Variants in ADGRA3 observed in about 807,000 individuals in gnomAD.
ADGRA3 encodes G-protein coupled receptor 125.
A neutral mutation model predicts 119.8 loss-of-function variants in ADGRA3; 56 were observed. The observed-to-expected ratio is 0.47, with a 90% CI of 0.38 to 0.58. ADGRA3 has a LOEUF of 0.58. ADGRA3 is among the 20% of genes least tolerant of loss of function. ADGRA3 has a pLI of 0.00. For missense variants in ADGRA3, 1,516 were observed against 1,649.0 expected, an observed-to-expected ratio of 0.92 and a Z score of 1.40; for synonymous variants, 607 against 623.8, an observed-to-expected ratio of 0.97 and a Z score of 0.40.
At chr4:22,435,543 T>C in intron 9 of ADGRA3, 77 bp from the exon 10 acceptor site, 1 of 1,312,798 alleles carries the variant, frequency 7.6e-7, no homozygotes, top group African/African-American at 1.5e-5. Context: ...ATTTTAACTT[T>C]GCATTTCAAA....
At chr4:22,399,259 GCT>G (rs1714507023) in intron 16 of ADGRA3, among the ~76,000 whole-genome samples, 2 of 152,142 alleles carry the variant, frequency 1.3e-5, no homozygotes, top group South Asian at 4.1e-4. Context: ...TTACTCAAAT[GCT>G]CTGTTAGTTG....
chr4:22,404,934 A>G (rs1377061320), intron 14 of ADGRA3, among the ~76,000 whole-genome samples: 2 of 152,212 alleles, frequency 1.3e-5, no homozygotes, highest in Admixed American at 6.5e-5. Flanking sequence ...TAAACTTTCA[A>G]TATCTAGTTT....
At chr4:22,504,734 T>C (rs1045473287) in intron 1 of ADGRA3, among the ~76,000 whole-genome samples, 3 of 151,924 alleles carry the variant, frequency 2.0e-5, no homozygotes, top group African/African-American at 7.3e-5. Flanking sequence ...TACTCTTTCT[T>C]CTACCTTCTT....
chr4:22,413,103 AAAAC>A, intron 14 of ADGRA3, 75 bp downstream of exon 14: 3 of 1,093,978 alleles, frequency 2.7e-6, no homozygotes, highest in South Asian at 3.0e-5. Flanking sequence ...AAAAAACAAA[AAAAC>A]ACTTCATTTG....
chr4:22,484,534 G>A (rs1577376225), intron 1 of ADGRA3, among the ~76,000 whole-genome samples: 1 of 151,866 alleles, frequency 6.6e-6, no homozygotes, highest in African/African-American at 2.4e-5. Flanking sequence ...GAGCCCTGAG[G>A]GTGGAGGTTG....
At chr4:22,420,347 T>G (rs1337376157) in intron 12 of ADGRA3, 2 of 153,356 alleles carry the variant, frequency 1.3e-5, no homozygotes, top group Non-Finnish European at 2.9e-5. Flanking sequence ...AAAAATGCTT[T>G]CATTTTGCTT....
intron 9 of ADGRA3, 88 bp downstream of exon 9, chr4:22,436,352 T>C: frequency 1.0e-6 from 1 of 956,510 alleles, no homozygotes; most frequent in South Asian, 1.6e-5. Flanking sequence ...TTTTGCCTAG[T>C]ATTAAAAAAA....
In ADGRA3 at chr4:22,445,021, G is replaced by A. The variant is rs1716778297; in HGVS notation, c.658C>T (p.Leu220=). 6.2e-7 allele frequency: 1 copy of A among 1,613,724 alleles called. No individual in the cohort carries two copies. Among genetic ancestry groups the A allele is most frequent in the South Asian group, 1.1e-5 (1 of 91,056 alleles). The change falls in exon 6 of 19, where the codon CTG becomes TTG. Residue 220 remains leucine (L), a synonymous_variant. Transcript: ENST00000334304. ...RDTRCVYPKS[L]QAQPVTGVKQ... is the part of the protein sequence containing the mutation. ...ACGCCTGTGACTGGTTGGGCCTGCA[G>A]TGACTTAGGATAAACACACCTGGTA...
In ADGRA3 at chr4:22,402,552, A is replaced by T. The variant is rs190626239; in HGVS notation, c.2357+123T>A. The T allele has an allele frequency of 1.0e-4, 96 of 920,824 alleles. 1 individual carries two copies. The African/African-American group carries it at 1.5e-3, about 14-fold the overall frequency. The allele number at this position is 920,824 out of a possible 1,614,324, so 57.0% of individuals were successfully genotyped here. On this transcript the variant is annotated intron_variant, in intron 15 of 18. Transcript: ENST00000334304. The stretch of plus-strand genomic sequence containing the variant: ...AAATGAAGGCATGTATATATTCTAA[A>T]GTCATCATCCTTACTTTGGAAATAC...
At chr4:22,467,030 C>T (rs979401949) in intron 2 of ADGRA3, among the ~76,000 whole-genome samples, 7 of 152,236 alleles carry the variant, frequency 4.6e-5, no homozygotes, top group East Asian at 1.9e-4. Flanking sequence ...GTGGAGAATG[C>T]GGTATCTCAT....
intron 1 of ADGRA3, among the ~76,000 whole-genome samples, chr4:22,487,552 G>T (rs1718473323): frequency 6.6e-6 from 1 of 152,130 alleles, no homozygotes; most frequent in African/African-American, 2.4e-5. Flanking sequence ...TCCAAGGTCT[G>T]GGGGTTGGTG....
intron 10 of ADGRA3, among the ~76,000 whole-genome samples, chr4:22,434,765 T>C (rs1219680208): frequency 1.3e-5 from 2 of 152,218 alleles, no homozygotes; most frequent in East Asian, 1.9e-4. Flanking sequence ...AAGCATATCA[T>C]GGTTTCAATG....
chr4:22,515,520 A>G lies in ADGRA3; in HGVS notation c.257+8T>C. 6.2e-7 allele frequency: 1 copy of G among 1,603,604 alleles called. No individual in the cohort carries two copies. Among genetic ancestry groups the G allele is most frequent in the Non-Finnish European group, 8.5e-7 (1 of 1,175,076 alleles). ...GGGAGAGGACCCAGCGTCGCGGGAGATACTCACAGGGTGACCGTGCGGTTG... is the reference window on the plus strand; with the variant it reads ...GGGAGAGGACCCAGCGTCGCGGGAGGTACTCACAGGGTGACCGTGCGGTTG... On this transcript the variant is annotated splice_region_variant and intron_variant, in intron 1 of 18. Coordinates refer to ENST00000334304, the MANE Select transcript of ADGRA3 (RefSeq NM_145290.4).
intron 12 of ADGRA3, among the ~76,000 whole-genome samples, chr4:22,419,443 T>C (rs1235426535): frequency 1.3e-5 from 2 of 152,164 alleles, no homozygotes; most frequent in Non-Finnish European, 2.9e-5. Context: ...CTATGAAGCA[T>C]GAATAATAGT....
At position 22,387,829 on chromosome 4, in the gene ADGRA3, T is replaced by C; in HGVS notation, c.3842A>G (p.Tyr1281Cys). Residue 1281 changes from tyrosine to cysteine, a missense_variant, in exon 19 of 19, where the codon TAT becomes TGT. Physicochemically the swap from Tyr to Cys is radical, Grantham distance 194 (BLOSUM62 -2). Transcript: ENST00000334304. ...VVELENQQKS[Y>C]GLNLAIQNGP... is the part of the protein sequence containing the mutation. The stretch of plus-strand genomic sequence containing the variant: ...ATTCTGAATGGCCAAGTTGAGGCCA[T>C]AAGATTTTTGCTGATTTTCAAGTTC... The C allele has an allele frequency of 6.2e-7, 1 of 1,614,160 alleles. No individual in the cohort carries two copies. Among genetic ancestry groups the C allele is most frequent in the Non-Finnish European group, 8.5e-7 (1 of 1,180,006 alleles).
At chr4:22,487,188 T>A (rs1718459802) in intron 1 of ADGRA3, among the ~76,000 whole-genome samples, 1 of 152,152 alleles carries the variant, frequency 6.6e-6, no homozygotes, top group African/African-American at 2.4e-5. Flanking sequence ...AACCTACAAC[T>A]TCACAGATAT....
rs758388407 is a variant in ADGRA3 at position 22,420,968 on chromosome 4, C to T, written c.1727G>A (p.Arg576Lys). 6 of 1,614,052 alleles carry T rather than the reference C, an allele frequency of 3.7e-6. No individual in the cohort carries two copies. The East Asian group carries it at 8.9e-5, about 24-fold the overall frequency. ...ATCCAGGTTTCCCTCTGGATCCCGC[C>T]TCCCATAATCCGAAAGTCCTGTACG... is the stretch of plus-strand genomic sequence containing the variant. ...SDRTGLSDYGRRDPEGNLDKQ... is the reference protein window; with the variant it reads ...SDRTGLSDYGKRDPEGNLDKQ... Residue 576 changes from arginine to lysine, a missense_variant, in exon 12 of 19, where the codon AGG becomes AAG. Physicochemically the swap from Arg to Lys is conservative, Grantham distance 26. Coordinates refer to ENST00000334304, the MANE Select transcript of ADGRA3 (RefSeq NM_145290.4).
chr4:22,483,986 AT>A (rs5856698), intron 1 of ADGRA3, among the ~76,000 whole-genome samples: 20 of 151,714 alleles, frequency 1.3e-4, no homozygotes, highest in East Asian at 5.9e-4. Context: ...GCATGATTAC[AT>A]TTTTTTTAAA....
chr4:22,450,426 T>C (rs1279991956), intron 4 of ADGRA3, among the ~76,000 whole-genome samples: 1 of 151,970 alleles, frequency 6.6e-6, no homozygotes, highest in Non-Finnish European at 1.5e-5. Flanking sequence ...CCACCAGGCC[T>C]GGCTAATTTT....
Sources: gnomAD v4.1 joint callset for allele counts (sites outside exome capture counted in the v4.1 genomes callset) on GRCh38, gnomAD v4.1.1 for gene constraint, MANE v1.5 for transcripts, NCBI Gene and HGNC (gene_info 2026-07-23, HGNC 2026-07-21) for gene names.